Variants in PARD3 observed in about 807,000 individuals in gnomAD.
PARD3 encodes partitioning defective 3 homolog.
In PARD3, 75 loss-of-function variants were observed where a neutral mutation model predicts 155.4. The ratio of observed to expected loss-of-function variants is 0.48; its 90% CI spans 0.40 to 0.58. The LOEUF is 0.58. PARD3 is among the 20% of genes least tolerant of loss of function. The probability of loss-of-function intolerance (pLI) is 0.00; values close to 1 mark genes in which losing one functional copy is unlikely to be tolerated. For missense variants in PARD3, 1,642 were observed against 1,721.7 expected, an observed-to-expected ratio of 0.95 and a Z score of 0.82; for synonymous variants, 576 against 610.5, an observed-to-expected ratio of 0.94 and a Z score of 0.83.
At chr10:34,223,445 G>A (rs952007153) in intron 22 of PARD3, among the ~76,000 whole-genome samples, 1 of 152,204 alleles carries the variant, frequency 6.6e-6, no homozygotes, top group Non-Finnish European at 1.5e-5. Flanking sequence ...TATTGAATCA[G>A]TGTGTTTCTT....
chr10:34,739,860 A>T (rs773698001), intron 1 of PARD3, among the ~76,000 whole-genome samples: 37 of 152,192 alleles, frequency 2.4e-4, no homozygotes, highest in Non-Finnish European at 4.7e-4. Flanking sequence ...ACCACATAGA[A>T]TGTTTTCTGA....
intron 5 of PARD3, among the ~76,000 whole-genome samples, chr10:34,402,691 G>A (rs923666134): frequency 5.9e-5 from 9 of 152,172 alleles, no homozygotes; most frequent in Non-Finnish European, 1.3e-4. Flanking sequence ...GCTCCAATGT[G>A]TTGCAGAAAT....
At chr10:34,344,062 G>C (rs186005640) in intron 15 of PARD3, 1 of 943,650 alleles carries the variant, frequency 1.1e-6, no homozygotes, top group East Asian at 1.2e-4. Flanking sequence ...ACATATATAT[G>C]AATATACAAA....
chr10:34,697,056 C>CA (rs1564520190), intron 1 of PARD3, among the ~76,000 whole-genome samples: 6,575 of 147,992 alleles, frequency 0.044, 214 homozygotes, highest in African/African-American at 0.088. Context: ...ACACACACAC[C>CA]CCCCTCAAAA....
chr10:34,349,460 G>C (rs1837771682), intron 14 of PARD3, among the ~76,000 whole-genome samples: 1 of 151,020 alleles, frequency 6.6e-6, no homozygotes. Context: ...TAAAATTGTA[G>C]ATTACAACTG....
chr10:34,258,836 C>T lies in PARD3; in HGVS notation c.3419+10821G>A, dbSNP rs1954799521. On this transcript the variant is annotated intron_variant, in intron 22 of 24. Coordinates refer to ENST00000374788, the MANE Select transcript of PARD3 (RefSeq NM_001184785.2). ...CTTCGGGAGGCCAAGGTGGGAGGAT[C>T]GCTTAACCCAGGAGTTCAAGGCAGT... Among the ~76,000 whole-genome samples the T allele has an allele frequency of 2.0e-5, 3 of 152,082 alleles. No homozygotes were observed. The South Asian group carries it at 6.2e-4, about 32-fold the overall frequency.
chr10:34,142,881 CA>C (rs1948268021), intron 22 of PARD3, among the ~76,000 whole-genome samples: 1 of 152,172 alleles, frequency 6.6e-6, no homozygotes, highest in African/African-American at 2.4e-5. Context: ...ATACAAAGTT[CA>C]GCCAGTTGTG....
intron 5 of PARD3, among the ~76,000 whole-genome samples, chr10:34,404,678 A>C (rs1844252547): frequency 6.6e-6 from 1 of 152,102 alleles, no homozygotes; most frequent in South Asian, 2.1e-4. Context: ...TTCAAGATTT[A>C]AACAGACCTG....
At position 34,673,174 on chromosome 10, in the gene PARD3, C is replaced by T. The variant is rs183881808; in HGVS notation, c.222+23144G>A. On this transcript the variant is annotated intron_variant, in intron 2 of 24. Coordinates refer to ENST00000374788, the MANE Select transcript of PARD3 (RefSeq NM_001184785.2). ...GGAAGAATTAATGCTCAACACACTG[C>T]ATGATATTTCCTTAAAAATAACTAA... is the stretch of plus-strand genomic sequence containing the variant. Among the ~76,000 whole-genome samples, 3 of 152,294 alleles carry T rather than the reference C, an allele frequency of 2.0e-5. No homozygotes were observed. The East Asian group carries it at 5.8e-4, about 29-fold the overall frequency.
Position 34,815,012 on chromosome 10 carries a change from G to A in PARD3, c.-17C>T, listed in dbSNP as rs1036537435. The A allele has an allele frequency of 4.9e-6, 7 of 1,425,360 alleles. No homozygotes were observed. The highest frequency in any genetic ancestry group is 1.5e-5 in the African/African-American group (1 of 66,724). 88.3% of individuals were successfully genotyped at this position (1,425,360 alleles called of 1,614,324 possible). A position where few individuals can be genotyped will look rare whatever the true frequency, so the allele number is the denominator to read the frequency against. On this transcript the variant is annotated 5_prime_UTR_variant, in exon 1 of 25. Transcript: ENST00000374788. ...CACTTTCATGCCGCCGCCGCCGCGG[G>A]CGGGCCCGCGCCCCTCGCCGAGCGC...
At chr10:34,762,469 C>CTTTTT (rs72049773) in intron 1 of PARD3, among the ~76,000 whole-genome samples, 17,340 of 97,986 alleles carry the variant, frequency 0.18, 1,899 homozygotes, top group East Asian at 0.42. Context: ...CCATGCCTGA[C>CTTTTT]TTTTTTTTTT....
chr10:34,422,694 AC>A (rs1272262362), intron 5 of PARD3, among the ~76,000 whole-genome samples: 1 of 152,246 alleles, frequency 6.6e-6, no homozygotes, highest in Admixed American at 6.5e-5. Flanking sequence ...GCTTAAGATT[AC>A]TAATCATCAG....
chr10:34,503,706 G>C (rs1468867024), intron 3 of PARD3, among the ~76,000 whole-genome samples: 2 of 152,144 alleles, frequency 1.3e-5, no homozygotes, highest in Non-Finnish European at 1.5e-5. Context: ...AGGAGGAGTG[G>C]GAAAGTGACT....
chr10:34,432,718 C>T (rs2076009110), intron 5 of PARD3, among the ~76,000 whole-genome samples: 1 of 152,132 alleles, frequency 6.6e-6, no homozygotes, highest in South Asian at 2.1e-4. Flanking sequence ...TTTACCTTCA[C>T]CCATGTTGAA....
intron 1 of PARD3, among the ~76,000 whole-genome samples, chr10:34,810,102 C>T (rs1843929846): frequency 6.6e-6 from 1 of 152,116 alleles, no homozygotes; most frequent in South Asian, 2.1e-4. Flanking sequence ...TTAAAAAATA[C>T]AGGTCAAGCA....
chr10:34,227,481 C>CA (rs1473594803), intron 22 of PARD3, among the ~76,000 whole-genome samples: 2 of 151,898 alleles, frequency 1.3e-5, no homozygotes, highest in Non-Finnish European at 2.9e-5. Flanking sequence ...ACTAAAAATA[C>CA]AAAAAAATAA....
At chr10:34,596,742 C>T (rs2089298226) in intron 2 of PARD3, among the ~76,000 whole-genome samples, 1 of 152,150 alleles carries the variant, frequency 6.6e-6, no homozygotes, top group African/African-American at 2.4e-5. Flanking sequence ...TAATCCAATT[C>T]CAGGCGCTGG....
chr10:34,268,255 T>C (rs980763890), intron 22 of PARD3, among the ~76,000 whole-genome samples: 4 of 151,844 alleles, frequency 2.6e-5, no homozygotes, highest in African/African-American at 4.8e-5. Flanking sequence ...GTTAGAATGG[T>C]GATCATTAAA....
chr10:34,651,137 G>A (rs1432730299), intron 2 of PARD3, among the ~76,000 whole-genome samples: 3 of 150,996 alleles, frequency 2.0e-5, no homozygotes, highest in African/African-American at 7.3e-5. Flanking sequence ...AGTGTGTGAG[G>A]AATTATGTGT....
Sources: gnomAD v4.1 joint callset for allele counts (sites outside exome capture counted in the v4.1 genomes callset) on GRCh38, gnomAD v4.1.1 for gene constraint, MANE v1.5 for transcripts, NCBI Gene and HGNC (gene_info 2026-07-23, HGNC 2026-07-21) for gene names.